IKBKB-DT: variants seen among roughly 807,000 people sequenced by gnomAD.
IKBKB-DT encodes IKBKB divergent transcript.
At position 42,249,766 on chromosome 8, in the gene IKBKB-DT, T is replaced by C. The variant is rs1014173497; in HGVS notation, n.1529+13563A>G. 2.6e-5 allele frequency among the ~76,000 whole-genome samples: 4 copies of C among 152,220 alleles called. No homozygotes were observed. The South Asian group carries it at 8.3e-4, about 32-fold the overall frequency. On this transcript the variant is annotated intron_variant and non_coding_transcript_variant, in intron 3 of 3. Transcript: ENST00000518213. Reference sequence around the variant, plus strand: ...TATTTTGAGGATTAAAGAAAACATGTATTATTCTCCAGATGTTAAGACATT... The same window carrying C: ...TATTTTGAGGATTAAAGAAAACATGCATTATTCTCCAGATGTTAAGACATT...
At chr8:42,236,442 C>T (rs561731946) in intron 3 of IKBKB-DT, among the ~76,000 whole-genome samples, 6 of 152,254 alleles carry the variant, frequency 3.9e-5, no homozygotes, top group South Asian at 4.2e-4. Flanking sequence ...GTTGTCGAAA[C>T]TGTCAAAACA....
intron 3 of IKBKB-DT, among the ~76,000 whole-genome samples, chr8:42,254,824 T>G (rs1807174688): frequency 1.4e-5 from 2 of 147,078 alleles, no homozygotes; most frequent in African/African-American, 5.1e-5. Flanking sequence ...ATCTGGGAAG[T>G]GAGGTGCCCC....
intron 3 of IKBKB-DT, among the ~76,000 whole-genome samples, chr8:42,257,306 A>C (rs1365821702): frequency 6.6e-6 from 1 of 151,150 alleles, no homozygotes; most frequent in Non-Finnish European, 1.5e-5. Context: ...AATTGAGACC[A>C]TCTTGGCCAA....
At chr8:42,242,050 A>C (rs980146147) in intron 3 of IKBKB-DT, among the ~76,000 whole-genome samples, 11 of 152,152 alleles carry the variant, frequency 7.2e-5, no homozygotes, top group African/African-American at 2.2e-4. Flanking sequence ...CCCCATCTCT[A>C]CTAAAAATAC....
chr8:42,239,636 T>TATATATA (rs55662464), intron 3 of IKBKB-DT, among the ~76,000 whole-genome samples: 913 of 28,154 alleles, frequency 0.032, 68 homozygotes, highest in African/African-American at 0.055. Flanking sequence ...ATATATATAT[T>TATATATA]TATTTATTTA....
intron 3 of IKBKB-DT, among the ~76,000 whole-genome samples, chr8:42,256,391 G>A (rs1392835625): frequency 2.1e-5 from 3 of 145,632 alleles, no homozygotes; most frequent in Non-Finnish European, 4.5e-5. Context: ...GTGAAACCCC[G>A]TTTCTACCAA....
chr8:42,243,566 T>C (rs1807029314), intron 3 of IKBKB-DT, among the ~76,000 whole-genome samples: 1 of 152,174 alleles, frequency 6.6e-6, no homozygotes, highest in Non-Finnish European at 1.5e-5. Flanking sequence ...TTAATTGACA[T>C]CATGGACAGT....
At chr8:42,245,281 A>G (rs1255849480) in intron 3 of IKBKB-DT, among the ~76,000 whole-genome samples, 1 of 152,104 alleles carries the variant, frequency 6.6e-6, no homozygotes, top group African/African-American at 2.4e-5. Context: ...AATAATAATA[A>G]TAAAAGAAAT....
intron 3 of IKBKB-DT, among the ~76,000 whole-genome samples, chr8:42,236,270 G>A (rs1165915659): frequency 1.3e-5 from 2 of 151,590 alleles, no homozygotes; most frequent in Non-Finnish European, 2.9e-5. Context: ...CAAAATGCTG[G>A]GATTCCAGGT....
chr8:42,263,583 TG>T (rs1807320581), intron 2 of IKBKB-DT: 1 of 152,100 alleles, frequency 6.6e-6, no homozygotes, highest in Admixed American at 6.6e-5. Flanking sequence ...TCTAGAGGGG[TG>T]GCTTAGAATT....
intron 3 of IKBKB-DT, among the ~76,000 whole-genome samples, chr8:42,251,478 A>G (rs1308404332): frequency 6.6e-6 from 1 of 152,222 alleles, no homozygotes; most frequent in East Asian, 1.9e-4. Context: ...ATAGGCTGTG[A>G]GCTGGAACGT....
intron 3 of IKBKB-DT, among the ~76,000 whole-genome samples, chr8:42,259,531 T>C (rs191228745): frequency 7.5e-4 from 115 of 152,322 alleles, no homozygotes; most frequent in Middle Eastern, 3.4e-3. Context: ...TGACTATAGG[T>C]TACCAAAGAG....
intron 3 of IKBKB-DT, among the ~76,000 whole-genome samples, chr8:42,245,919 T>C (rs1807058081): frequency 6.6e-6 from 1 of 152,160 alleles, no homozygotes; most frequent in Admixed American, 6.5e-5. Flanking sequence ...GTAGCCAAAA[T>C]TGGAAACAAT....
chr8:42,239,966 A>T (rs1280581244), intron 3 of IKBKB-DT, among the ~76,000 whole-genome samples: 1 of 152,070 alleles, frequency 6.6e-6, no homozygotes, highest in Non-Finnish European at 1.5e-5. Context: ...AAAACTATAA[A>T]TACAAGATTG....
At chr8:42,247,330 T>C (rs1293490643) in intron 3 of IKBKB-DT, among the ~76,000 whole-genome samples, 1 of 152,214 alleles carries the variant, frequency 6.6e-6, no homozygotes, top group Non-Finnish European at 1.5e-5. Flanking sequence ...ATAGGACCAG[T>C]GGCCCCTTGG....
intron 2 of IKBKB-DT, among the ~76,000 whole-genome samples, chr8:42,264,438 GA>G (rs1807342880): frequency 6.6e-6 from 1 of 152,144 alleles, no homozygotes; most frequent in Non-Finnish European, 1.5e-5. Flanking sequence ...TTATAGGCAT[GA>G]CCCACTACGC....
chr8:42,242,942 T>C (rs1157359582), intron 3 of IKBKB-DT, among the ~76,000 whole-genome samples: 1 of 152,192 alleles, frequency 6.6e-6, no homozygotes, highest in African/African-American at 2.4e-5. Context: ...ACTTGCAGAA[T>C]CCAATTCACA....
chr8:42,253,304 C>T (rs1466475122), intron 3 of IKBKB-DT, among the ~76,000 whole-genome samples: 1 of 152,114 alleles, frequency 6.6e-6, no homozygotes, highest in Non-Finnish European at 1.5e-5. Context: ...TCTTTCTGGA[C>T]CAAACCAATG....
At chr8:42,254,932 TGTCTGG>T (rs1263503644) in intron 3 of IKBKB-DT, among the ~76,000 whole-genome samples, 3 of 149,064 alleles carry the variant, frequency 2.0e-5, no homozygotes, top group Non-Finnish European at 3.0e-5. Context: ...GCTTCTGCCC[TGTCTGG>T]GAAGTGAGGA....
Sources: gnomAD v4.1 joint callset for allele counts (sites outside exome capture counted in the v4.1 genomes callset) on GRCh38, gnomAD v4.1.1 for gene constraint, MANE v1.5 for transcripts, NCBI Gene and HGNC (gene_info 2026-07-23, HGNC 2026-07-21) for gene names.